The following PRUNE2 variants were observed in gnomAD, a reference collection of about 807,000 sequenced individuals.
PRUNE2 encodes the protein protein prune homolog 2.
A neutral mutation model predicts 252.0 loss-of-function variants in PRUNE2; 164 were observed. The ratio of observed to expected loss-of-function variants is 0.65; its 90% CI spans 0.57 to 0.74. The LOEUF is 0.74. Ranked by LOEUF, PRUNE2 falls within the 30% of genes least tolerant of loss-of-function variation. PRUNE2 has a pLI of 0.00. For synonymous variants in PRUNE2, 1,292 were observed against 1,350.2 expected (o/e 0.96, Z 0.94); for missense variants, 3,495 against 3,711.0 (o/e 0.94, Z 1.51).
At chr9:76,644,318 C>A (rs1030626554) in intron 12 of PRUNE2, among the ~76,000 whole-genome samples, 13 of 152,068 alleles carry the variant, frequency 8.5e-5, no homozygotes, top group African/African-American at 3.1e-4. Flanking sequence ...CCCAAAGCTT[C>A]TGAAGAGGAT....
intron 1 of PRUNE2, among the ~76,000 whole-genome samples, chr9:76,860,732 G>A (rs2060501313): frequency 6.6e-6 from 1 of 152,158 alleles, no homozygotes; most frequent in African/African-American, 2.4e-5. Flanking sequence ...ACACTAAAGT[G>A]GGGGCACATT....
intron 17 of PRUNE2, among the ~76,000 whole-genome samples, chr9:76,621,480 C>T (rs1587711075): frequency 1.3e-5 from 2 of 152,206 alleles, no homozygotes; most frequent in East Asian, 3.9e-4. Flanking sequence ...TGTGATGTTA[C>T]CATCAAAAAG....
chr9:76,874,397 T>C (rs2061376190), intron 1 of PRUNE2, among the ~76,000 whole-genome samples: 2 of 152,170 alleles, frequency 1.3e-5, no homozygotes, highest in East Asian at 1.9e-4. Flanking sequence ...TTGGTGTCAG[T>C]ATTGATTTTG....
Position 76,633,642 on chromosome 9 carries a change from C to G in PRUNE2, c.9050+2829G>C, listed in dbSNP as rs141064649. On this transcript the variant is annotated intron_variant, in intron 15 of 18. Coordinates refer to ENST00000376718, the MANE Select transcript of PRUNE2 (RefSeq NM_015225.3). ...TTACTTGTTTGCATGTTTCCTACGGCTGCTTTTGCTCTATAATGGCAGAAT... is the reference window on the plus strand; with the variant it reads ...TTACTTGTTTGCATGTTTCCTACGGGTGCTTTTGCTCTATAATGGCAGAAT... Among the ~76,000 whole-genome samples the G allele has an allele frequency of 9.2e-5, 14 of 152,044 alleles. No individual in the cohort carries two copies. In the East Asian group the frequency reaches 2.5e-3, roughly 27 times the overall value.
intron 6 of PRUNE2, among the ~76,000 whole-genome samples, chr9:76,724,339 T>C (rs890241579): frequency 1.5e-5 from 2 of 137,880 alleles, no homozygotes; most frequent in African/African-American, 5.4e-5. Flanking sequence ...CCAGGCATGG[T>C]GGTGCATGCC....
At chr9:76,652,262 A>G (rs1051780790) in intron 11 of PRUNE2, 10 of 500,598 alleles carry the variant, frequency 2.0e-5, no homozygotes, top group African/African-American at 1.9e-4. Context: ...GCTAGCACAG[A>G]GTGGGGGTTA....
intron 4 of PRUNE2, among the ~76,000 whole-genome samples, chr9:76,838,023 A>G (rs12341492): frequency 0.93 from 140,949 of 151,846 alleles, 65,512 homozygotes; most frequent in Admixed American, 0.95. Context: ...TGCCCGCCTC[A>G]GCCTCCCAAA....
rs376978408 is a variant in PRUNE2 at position 76,668,374 on chromosome 9, AT to A, written c.8277-12873del. Among the ~76,000 whole-genome samples the A allele has an allele frequency of 2.4e-4, 36 of 152,312 alleles. No individual in the cohort carries two copies. The East Asian group carries it at 5.8e-3, about 24-fold the overall frequency. Reference sequence around the variant, plus strand: ...GCTATGCTGAATCTTCCTTCCCTACATCATGCTATCTTGTTACTTTCAATTA... The same window carrying A: ...GCTATGCTGAATCTTCCTTCCCTACACATGCTATCTTGTTACTTTCAATTA... On this transcript the variant is annotated intron_variant, in intron 9 of 18. Transcript: ENST00000376718.
chr9:76,790,758 A>G (rs1289278162), intron 6 of PRUNE2, among the ~76,000 whole-genome samples: 1 of 152,240 alleles, frequency 6.6e-6, no homozygotes, highest in Non-Finnish European at 1.5e-5. Context: ...TCTGGCAAAT[A>G]TCAGATTGAG....
chr9:76,757,727 A>G (rs4745579), intron 6 of PRUNE2, among the ~76,000 whole-genome samples: 98,398 of 151,930 alleles, frequency 0.65, 32,557 homozygotes, highest in African/African-American at 0.77. Flanking sequence ...TTTGGGAAGC[A>G]GAGGCAGGGA....
chr9:76,869,321 A>G (rs1428543565), intron 1 of PRUNE2: 1 of 152,170 alleles, frequency 6.6e-6, no homozygotes, highest in Admixed American at 6.5e-5. Flanking sequence ...TTCACAGGGA[A>G]ATGTGCGAGG....
intron 6 of PRUNE2, among the ~76,000 whole-genome samples, chr9:76,716,489 C>G (rs1209972506): frequency 6.6e-6 from 1 of 152,222 alleles, no homozygotes; most frequent in Non-Finnish European, 1.5e-5. Flanking sequence ...TGTCACAGGA[C>G]TTGTACTGAC....
At chr9:76,646,356 C>A (rs921721930) in intron 11 of PRUNE2, among the ~76,000 whole-genome samples, 2 of 152,218 alleles carry the variant, frequency 1.3e-5, no homozygotes, top group African/African-American at 4.8e-5. Flanking sequence ...ATTATATATT[C>A]AGAAGTGTCT....
intron 1 of PRUNE2, among the ~76,000 whole-genome samples, chr9:76,878,791 C>T (rs1363509503): frequency 2.0e-5 from 3 of 152,142 alleles, no homozygotes; most frequent in Non-Finnish European, 4.4e-5. Flanking sequence ...ATCTGAATTA[C>T]AAGGAATTAC....
chr9:76,833,378 C>T (rs552476672), intron 4 of PRUNE2, among the ~76,000 whole-genome samples: 8 of 152,198 alleles, frequency 5.3e-5, no homozygotes, highest in African/African-American at 1.9e-4. Context: ...AGTAGTAAAA[C>T]TACTTCAGAA....
intron 6 of PRUNE2, among the ~76,000 whole-genome samples, chr9:76,806,938 GT>G (rs1292492269): frequency 3.3e-5 from 5 of 151,964 alleles, no homozygotes; most frequent in Non-Finnish European, 7.3e-5. Flanking sequence ...TAAGTAACTG[GT>G]GGAGGATCAG....
chr9:76,805,579 C>T (rs1210348396), intron 6 of PRUNE2, among the ~76,000 whole-genome samples: 1 of 152,004 alleles, frequency 6.6e-6, no homozygotes, highest in Non-Finnish European at 1.5e-5. Flanking sequence ...TGTGTGACAG[C>T]GAAAGACTCC....
intron 9 of PRUNE2, among the ~76,000 whole-genome samples, chr9:76,670,300 T>G (rs1389353837): frequency 2.0e-5 from 3 of 151,976 alleles, no homozygotes; most frequent in African/African-American, 7.2e-5. Flanking sequence ...GGACGGCACC[T>G]GGAAAATCGG....
At chr9:76,649,938 C>CTTTTT (rs11448854) in intron 11 of PRUNE2, among the ~76,000 whole-genome samples, 1 of 147,132 alleles carries the variant, frequency 6.8e-6, no homozygotes, top group Non-Finnish European at 1.5e-5. Flanking sequence ...GTAACGCTTA[C>CTTTTT]TTTTTTTTTT....
Sources: allele counts gnomAD v4.1 joint callset (sites outside exome capture counted in the v4.1 genomes callset), GRCh38; gene constraint gnomAD v4.1.1; transcripts MANE v1.5; gene names NCBI Gene and HGNC (gene_info 2026-07-23, HGNC 2026-07-21).